The following NOS1 variants were observed in gnomAD, a reference collection of about 807,000 sequenced individuals.
NOS1 encodes NOS type I.
In NOS1, 51 loss-of-function variants were observed where a neutral mutation model predicts 164.5. The observed-to-expected ratio is 0.31, with a 90% CI of 0.25 to 0.39. The LOEUF is 0.39. NOS1 is among the 10% of genes least tolerant of loss of function. The probability of loss-of-function intolerance (pLI) is 1.00; values close to 1 mark genes in which losing one functional copy is unlikely to be tolerated. For missense variants in NOS1, 1,362 were observed against 1,885.6 expected (o/e 0.72, Z 5.14); for synonymous variants, 719 against 745.8 (o/e 0.96, Z 0.59).
chr12:117,305,778 G>A (rs1444427888), intron 3 of NOS1, among the ~76,000 whole-genome samples: 2 of 150,626 alleles, frequency 1.3e-5, no homozygotes, highest in Non-Finnish European at 3.0e-5. Flanking sequence ...GGATGATTTC[G>A]CAGGCCCGTG....
chr12:117,284,815 C>A (rs561095714), intron 7 of NOS1, among the ~76,000 whole-genome samples: 1 of 151,866 alleles, frequency 6.6e-6, no homozygotes, highest in Non-Finnish European at 1.5e-5. Context: ...TTTGGGAGGC[C>A]GAGGCGGGTG....
Position 117,331,359 on chromosome 12 carries a change from G to C in NOS1, c.-290C>G. ...GAGAGGCGGTGGGACGTGTCCCTAA[G>C]GTCAGGCAGAAAGGGGAGGAGATGC... is the stretch of plus-strand genomic sequence containing the variant. On this transcript the variant is annotated 5_prime_UTR_variant, in exon 2 of 29. Coordinates refer to ENST00000317775, the MANE Select transcript of NOS1 (RefSeq NM_000620.5). 2.3e-6 allele frequency: 1 copy of C among 427,174 alleles called. No homozygotes were observed. The highest frequency in any genetic ancestry group is 4.3e-6 in the Non-Finnish European group (1 of 234,546). 26.5% of individuals were successfully genotyped at this position (427,174 alleles called of 1,614,324 possible).
At position 117,226,734 on chromosome 12, in the gene NOS1, G is replaced by A. The variant is rs1047117910; in HGVS notation, c.3653C>T (p.Ser1218Phe). ...GTCAGCCTGTATCCGGTTGAGCCAG[G>A]AGGAGCATACGCCGTGGTGAATTGG... ...EGPIHHGVCSSWLNRIQADEL... is the reference protein window; with the variant it reads ...EGPIHHGVCSFWLNRIQADEL... The change falls in exon 24 of 29, where the codon TCC (serine) becomes TTC (phenylalanine). Residue 1218 changes from serine to phenylalanine, a missense_variant. By Grantham distance (155) the Ser-to-Phe change is radical (BLOSUM62 -2). Coordinates refer to ENST00000317775, the MANE Select transcript of NOS1 (RefSeq NM_000620.5). The A allele has an allele frequency of 6.2e-7, 1 of 1,613,994 alleles. No individual in the cohort carries two copies. Among genetic ancestry groups the A allele is most frequent in the Non-Finnish European group, 8.5e-7 (1 of 1,179,962 alleles).
chr12:117,268,073 C>T lies in NOS1; in HGVS notation c.1911G>A (p.Glu637=). The change falls in exon 11 of 29, where the codon GAG becomes GAA. Residue 637 remains glutamate, a synonymous_variant. Transcript: ENST00000317775. ...AGCTATAGAGAACCGCGATATTGAT[C>T]TCCACCAGCGCCTGGTCCTTCCACA... ...SSLWKDQALV[E]INIAVLYSFQ... is the part of the protein sequence containing the mutation. 1 of 1,614,008 alleles carries T rather than the reference C, an allele frequency of 6.2e-7. No homozygotes were observed. Among genetic ancestry groups the T allele is most frequent in the Non-Finnish European group, 8.5e-7 (1 of 1,179,900 alleles).
chr12:117,349,000 G>A (rs1234007412), intron 1 of NOS1, among the ~76,000 whole-genome samples: 1 of 152,284 alleles, frequency 6.6e-6, no homozygotes, highest in East Asian at 1.9e-4. Flanking sequence ...ATTAACATTG[G>A]GGAAACTAGG....
At chr12:117,352,714 G>GGAGA (rs144531415) in intron 1 of NOS1, among the ~76,000 whole-genome samples, 1 of 151,800 alleles carries the variant, frequency 6.6e-6, no homozygotes. Context: ...GAAAAAAGAG[G>GGAGA]GAGAGAGAGA....
At chr12:117,326,799 G>A (rs147051291) in intron 2 of NOS1, among the ~76,000 whole-genome samples, 1 of 152,316 alleles carries the variant, frequency 6.6e-6, no homozygotes, top group East Asian at 1.9e-4. Context: ...TTCCTGAGAT[G>A]GCGTTTGGAG....
At chr12:117,360,454 C>A (rs1331517689) in intron 1 of NOS1, among the ~76,000 whole-genome samples, 2 of 152,258 alleles carry the variant, frequency 1.3e-5, no homozygotes, top group African/African-American at 4.8e-5. Context: ...TGGCGGAACG[C>A]GCCCCTCGGC....
At chr12:117,280,586 T>C (rs1873559709) in intron 8 of NOS1, 139 bp downstream of exon 8, 6 of 875,472 alleles carry the variant, frequency 6.9e-6, no homozygotes, top group Non-Finnish European at 1.1e-5. Context: ...AACAGCCTGA[T>C]GGAGAAGCAG....
In NOS1 at chr12:117,288,129, G is replaced by C; in HGVS notation, c.1072C>G (p.Gln358Glu). 1 of 1,614,194 alleles carries C rather than the reference G, an allele frequency of 6.2e-7. No individual in the cohort carries two copies. Among genetic ancestry groups the C allele is most frequent in the Non-Finnish European group, 8.5e-7 (1 of 1,180,028 alleles). Residue 358 changes from glutamine (Q) to glutamate (E), a missense_variant, in exon 5 of 29, where the codon CAG becomes GAG. Transcript: ENST00000317775. ...RRPEDVRTKG[Q>E]LFPLAKEFID... ...AACTCTTTGGCGAGAGGGAAGAGCT[G>C]TCCTTTTGTGCGGACGTCTTCAGGC...
intron 14 of NOS1, among the ~76,000 whole-genome samples, chr12:117,260,118 CAAAAAAAAA>C (rs60261967): frequency 3.3e-4 from 38 of 115,802 alleles, no homozygotes; most frequent in Admixed American, 9.5e-4. Flanking sequence ...AACTCCTTCT[CAAAAAAAAA>C]AAAAAACAAA....
Position 117,256,021 on chromosome 12 carries a change from G to A in NOS1, c.2532-2267C>T, listed in dbSNP as rs192710252. The A allele has an allele frequency of 1.8e-4, 263 of 1,452,530 alleles. 2 individuals carry two copies. The East Asian group carries it at 6.7e-3, about 37-fold the overall frequency. 90.0% of individuals were successfully genotyped at this position (1,452,530 alleles called of 1,614,324 possible). On this transcript the variant is annotated intron_variant, in intron 16 of 28. Coordinates refer to ENST00000317775, the MANE Select transcript of NOS1 (RefSeq NM_000620.5). Reference sequence around the variant, plus strand: ...GGAGGCCCTTTACGGGGAAAGAAACGCAAGGGTTCCGGGTACCTAGAGGGG... The same window carrying A: ...GGAGGCCCTTTACGGGGAAAGAAACACAAGGGTTCCGGGTACCTAGAGGGG...
intron 20 of NOS1, among the ~76,000 whole-genome samples, chr12:117,237,502 G>A (rs903274076): frequency 6.6e-6 from 1 of 152,022 alleles, no homozygotes; most frequent in Admixed American, 6.6e-5. Context: ...AGGGGAAGAG[G>A]CAATGGAACA....
intron 2 of NOS1, among the ~76,000 whole-genome samples, chr12:117,320,268 C>T (rs1275174049): frequency 1.3e-5 from 2 of 152,094 alleles, no homozygotes; most frequent in Non-Finnish European, 1.5e-5. Flanking sequence ...TGAGCAGATT[C>T]CCTGGGGTTA....
Position 117,311,529 on chromosome 12 carries a change from A to T in NOS1, c.789T>A (p.Asn263Lys). 6.2e-7 allele frequency: 1 copy of T among 1,612,790 alleles called. No individual in the cohort carries two copies. The highest frequency in any genetic ancestry group is 1.1e-5 in the South Asian group (1 of 90,532). ...PLGVENDRVF[N>K]DLWGKGNVPV... Reference sequence around the variant, plus strand: ...GCACATTGCCCTTCCCCCATAGGTCATTGAAGACTCGGTCGTTCTCCACGC... The same window carrying T: ...GCACATTGCCCTTCCCCCATAGGTCTTTGAAGACTCGGTCGTTCTCCACGC... The change falls in exon 3 of 29, where the codon AAT becomes AAA. Residue 263 changes from asparagine (N) to lysine (K), a missense_variant. Around this residue, in one of 4 missense-constraint regions of NOS1, gnomAD observed 362 missense variants for 402.0 expected, o/e 0.90. Transcript: ENST00000317775.
rs796959623 is a variant in NOS1, at chr12:117,243,527, AC to A, written c.2824-93del. ...AGTCATGGCATGTATCTCTTCATTC[AC>A]CCATCCATCCATCTATCCAACCATC... On this transcript the variant is annotated intron_variant, in intron 18 of 28. Transcript: ENST00000317775. The surrounding 1 kb of genome is among the most constrained non-coding windows in gnomAD (Gnocchi z 4.3). 5.7e-6 allele frequency: 8 copies of A among 1,412,638 alleles called. No individual in the cohort carries two copies. In the African/African-American group the frequency reaches 1.0e-4, roughly 18 times the overall value. 87.5% of individuals were successfully genotyped at this position (1,412,638 alleles called of 1,614,324 possible).
At chr12:117,348,652 GATCT>G (rs1410317281) in intron 1 of NOS1, among the ~76,000 whole-genome samples, 2 of 152,098 alleles carry the variant, frequency 1.3e-5, no homozygotes, top group African/African-American at 2.4e-5. Flanking sequence ...TTTTTTCTAT[GATCT>G]ATCAAAACAA....
intron 22 of NOS1, among the ~76,000 whole-genome samples, chr12:117,230,136 A>T (rs1441983055): frequency 1.3e-5 from 2 of 151,532 alleles, no homozygotes; most frequent in African/African-American, 2.4e-5. Flanking sequence ...TTGGTTCCAA[A>T]CTCCTGGCCT....
At chr12:117,296,946 G>A (rs1456525394) in intron 3 of NOS1, among the ~76,000 whole-genome samples, 1 of 152,176 alleles carries the variant, frequency 6.6e-6, no homozygotes, top group Non-Finnish European at 1.5e-5. Context: ...GACCATGCTG[G>A]CACCATGATC....
Sources: gnomAD v4.1 joint callset for allele counts (sites outside exome capture counted in the v4.1 genomes callset) on GRCh38, gnomAD v4.1.1 for gene constraint, gnomAD v4.1.1 regional missense constraint, Gnocchi (gnomAD v3.1) non-coding constraint, MANE v1.5 for transcripts, NCBI Gene and HGNC (gene_info 2026-07-23, HGNC 2026-07-21) for gene names.